Variants in TMTC2 observed in about 807,000 individuals in gnomAD.
TMTC2 encodes transmembrane O-mannosyltransferase targeting cadherins 2.
TMTC2 carries 43 observed loss-of-function variants against 82.4 expected under a neutral mutation model. The observed-to-expected ratio is 0.52, with a 90% confidence interval of 0.41 to 0.67. TMTC2 has a LOEUF of 0.67. TMTC2 is among the 30% of genes least tolerant of loss of function. TMTC2 has a pLI of 0.00. For synonymous variants in TMTC2, 408 were observed against 381.9 expected (o/e 1.07, Z -0.80); for missense variants, 919 against 1,012.4 (o/e 0.91, Z 1.25).
chr12:83,109,993 TAG>T (rs1186470327), intron 11 of TMTC2, among the ~76,000 whole-genome samples: 4 of 152,346 alleles, frequency 2.6e-5, no homozygotes, highest in African/African-American at 9.6e-5. Context: ...AACATTTTTC[TAG>T]ACATTTATTC....
chr12:82,767,918 G>T (rs1036866247), intron 1 of TMTC2, among the ~76,000 whole-genome samples: 2 of 152,146 alleles, frequency 1.3e-5, no homozygotes, highest in African/African-American at 4.8e-5. Context: ...CTATTCTGTG[G>T]TGTCTCTTAT....
intron 9 of TMTC2, among the ~76,000 whole-genome samples, chr12:83,039,421 T>G (rs941510128): frequency 6.6e-6 from 1 of 152,036 alleles, no homozygotes; most frequent in African/African-American, 2.4e-5. Context: ...TTATGAAATA[T>G]TCAAATATGA....
At chr12:83,023,741 C>T (rs1881041447) in intron 8 of TMTC2, among the ~76,000 whole-genome samples, 1 of 152,192 alleles carries the variant, frequency 6.6e-6, no homozygotes, top group African/African-American at 2.4e-5. Context: ...GGATGTTGTC[C>T]TTGAACAGTG....
chr12:82,689,113 G>GA (rs1383606242), intron 1 of TMTC2, among the ~76,000 whole-genome samples: 1 of 152,192 alleles, frequency 6.6e-6, no homozygotes, highest in Non-Finnish European at 1.5e-5. Flanking sequence ...TAGGAGTGAG[G>GA]TAAATTTCTG....
intron 1 of TMTC2, among the ~76,000 whole-genome samples, chr12:82,819,497 C>CTTTTTTTT (rs766912583): frequency 2.4e-4 from 28 of 118,270 alleles, no homozygotes; most frequent in Non-Finnish European, 2.9e-4. Flanking sequence ...TTCTCTCTTT[C>CTTTTTTTT]TTTTTTTTTT....
chr12:82,839,969 G>T (rs935311141), intron 1 of TMTC2, among the ~76,000 whole-genome samples: 1 of 152,154 alleles, frequency 6.6e-6, no homozygotes, highest in African/African-American at 2.4e-5. Flanking sequence ...TTTCACATGG[G>T]TGCAGCGTGG....
At chr12:83,074,182 C>G (rs533131730) in intron 11 of TMTC2, among the ~76,000 whole-genome samples, 1 of 152,258 alleles carries the variant, frequency 6.6e-6, no homozygotes, top group South Asian at 2.1e-4. Context: ...TGATGTAGTA[C>G]TCCTCCCCCT....
At chr12:82,890,964 A>T (rs866845967) in intron 2 of TMTC2, among the ~76,000 whole-genome samples, 10 of 152,172 alleles carry the variant, frequency 6.6e-5, no homozygotes, top group African/African-American at 2.4e-4. Flanking sequence ...TATTTTCTTT[A>T]TATGAATTTT....
At chr12:82,814,820 G>C (rs1565761991) in intron 1 of TMTC2, among the ~76,000 whole-genome samples, 1 of 152,146 alleles carries the variant, frequency 6.6e-6, no homozygotes, top group Non-Finnish European at 1.5e-5. Context: ...TTTACATTGA[G>C]TTTGAAATAC....
At chr12:82,930,043 TG>T (rs1342152725) in intron 3 of TMTC2, among the ~76,000 whole-genome samples, 1 of 152,182 alleles carries the variant, frequency 6.6e-6, no homozygotes, top group Non-Finnish European at 1.5e-5. Context: ...CATACTTGAA[TG>T]AAATATTTGT....
chr12:82,739,985 T>C (rs1215944031), intron 1 of TMTC2, among the ~76,000 whole-genome samples: 1 of 152,050 alleles, frequency 6.6e-6, no homozygotes, highest in East Asian at 1.9e-4. Flanking sequence ...TTGCAAACCA[T>C]ACTCTGGGTA....
intron 8 of TMTC2, among the ~76,000 whole-genome samples, chr12:83,029,941 C>A (rs1418600175): frequency 6.6e-6 from 1 of 152,092 alleles, no homozygotes; most frequent in African/African-American, 2.4e-5. Context: ...AGAAAGTGAC[C>A]TAGCTTTAGA....
At chr12:82,742,226 A>G (rs940826936) in intron 1 of TMTC2, among the ~76,000 whole-genome samples, 3 of 152,084 alleles carry the variant, frequency 2.0e-5, no homozygotes, top group African/African-American at 7.2e-5. Context: ...CAAATCCTTC[A>G]AGACAAACAG....
intron 3 of TMTC2, among the ~76,000 whole-genome samples, chr12:82,912,961 G>C (rs910000261): frequency 6.9e-6 from 1 of 145,726 alleles, no homozygotes; most frequent in Non-Finnish European, 1.5e-5. Context: ...AAAAAGAATG[G>C]GTGGTAATAT....
chr12:82,866,572 G>A (rs1360813945), intron 2 of TMTC2, among the ~76,000 whole-genome samples: 3 of 152,120 alleles, frequency 2.0e-5, no homozygotes, highest in African/African-American at 7.2e-5. Context: ...TGTCTGGGAT[G>A]CATATTACAT....
chr12:82,930,521 A>G lies in TMTC2; in HGVS notation c.1574A>G (p.Asn525Ser). The G allele has an allele frequency of 6.3e-7, 1 of 1,591,298 alleles. No individual in the cohort carries two copies. Among genetic ancestry groups the G allele is most frequent in the South Asian group, 1.1e-5 (1 of 88,548 alleles). ...AYRNALYYRSNMADMLYNLGL... is the reference protein window; with the variant it reads ...AYRNALYYRSSMADMLYNLGL... ...AGAAATGCTTTGTACTACCGCAGCA[A>G]CATGGCTGACATGCTTTATAATTTG... Residue 525 changes from asparagine (N) to serine (S), a missense_variant, in exon 4 of 12, where the codon AAC becomes AGC. Transcript: ENST00000321196.
At chr12:82,938,744 T>G (rs1876546675) in intron 4 of TMTC2, among the ~76,000 whole-genome samples, 3 of 152,202 alleles carry the variant, frequency 2.0e-5, no homozygotes, top group African/African-American at 7.2e-5. Context: ...AACGTTCATT[T>G]TGTCTTAATT....
intron 1 of TMTC2, among the ~76,000 whole-genome samples, chr12:82,767,476 A>C (rs905303948): frequency 1.3e-5 from 2 of 152,148 alleles, no homozygotes; most frequent in African/African-American, 4.8e-5. Context: ...GATCCCAGCT[A>C]CTTGGGAGGC....
At chr12:83,110,446 C>G (rs1223566710) in intron 11 of TMTC2, among the ~76,000 whole-genome samples, 1 of 152,170 alleles carries the variant, frequency 6.6e-6, no homozygotes, top group Non-Finnish European at 1.5e-5. Flanking sequence ...CTCTCCTTCT[C>G]TATAGATTTC....
Sources: gnomAD v4.1 joint callset for allele counts (sites outside exome capture counted in the v4.1 genomes callset) on GRCh38, gnomAD v4.1.1 for gene constraint, MANE v1.5 for transcripts, NCBI Gene and HGNC (gene_info 2026-07-23, HGNC 2026-07-21) for gene names.